Variants in GPCPD1 observed in about 807,000 individuals in gnomAD.
The protein encoded by GPCPD1 is glycerophosphocholine phosphodiesterase 1.
In GPCPD1, 29 loss-of-function variants were observed where a neutral mutation model predicts 89.2. The ratio of observed to expected loss-of-function variants is 0.33; its 90% confidence interval spans 0.24 to 0.44. The LOEUF is 0.44. Among genes scored for constraint, GPCPD1 ranks in the 20% least tolerant of loss-of-function variants. The pLI, the probability that GPCPD1 is intolerant of heterozygous loss-of-function variation, is 1.00. For synonymous variants in GPCPD1, 258 were observed against 266.3 expected (o/e 0.97, Z 0.30); for missense variants, 594 against 808.9 (o/e 0.73, Z 3.22).
chr20:5,562,561 C>T (rs1401152640), intron 15 of GPCPD1, among the ~76,000 whole-genome samples: 10 of 152,158 alleles, frequency 6.6e-5, no homozygotes, highest in Admixed American at 5.9e-4. Context: ...GGATTACAGG[C>T]GTGAGCCACT....
chr20:5,601,614 C>G (rs147001855), intron 2 of GPCPD1, among the ~76,000 whole-genome samples: 395 of 152,110 alleles, frequency 2.6e-3, no homozygotes, highest in African/African-American at 9.2e-3. Context: ...GATGATCCAC[C>G]CACCTCGGCC....
In GPCPD1 at chr20:5,556,527, C is replaced by T. The variant is rs79372760; in HGVS notation, c.1829+1418G>A. Among the ~76,000 whole-genome samples the T allele has an allele frequency of 8.7e-3, 1,317 of 152,170 alleles. 15 individuals are homozygous for T. The highest frequency in any genetic ancestry group is 0.014 in the South Asian group (66 of 4,808). On this transcript the variant is annotated intron_variant, in intron 19 of 19. Transcript: ENST00000379019. ...CCTAAACATAACATTTATATGCACT[C>T]GGAACCAAAAGATTTAGGACTTGCT...
intron 14 of GPCPD1, 146 bp from the exon 15 acceptor site, chr20:5,565,224 T>TC (rs1330083919): frequency 1.1e-5 from 6 of 550,636 alleles, no homozygotes; most frequent in Non-Finnish European, 1.9e-5. Context: ...AACTCTGAGA[T>TC]CCCTTTTTTT....
intron 4 of GPCPD1, among the ~76,000 whole-genome samples, chr20:5,588,039 T>A (rs1979052173): frequency 2.0e-5 from 3 of 152,240 alleles, no homozygotes; most frequent in Non-Finnish European, 1.5e-5. Flanking sequence ...GTAGACTGGG[T>A]AGATTTTTTA....
intron 3 of GPCPD1, among the ~76,000 whole-genome samples, chr20:5,595,094 G>A (rs977778112): frequency 6.6e-6 from 1 of 152,122 alleles, no homozygotes; most frequent in African/African-American, 2.4e-5. Flanking sequence ...CATCAACATT[G>A]AGACAAAACT....
chr20:5,565,283 G>A (rs567723097), intron 14 of GPCPD1, among the ~76,000 whole-genome samples: 2 of 151,520 alleles, frequency 1.3e-5, no homozygotes, highest in South Asian at 2.1e-4. Context: ...CTGGAACACA[G>A]TGGAATGATC....
chr20:5,606,716 T>C (rs977282353), intron 1 of GPCPD1, among the ~76,000 whole-genome samples: 17 of 152,212 alleles, frequency 1.1e-4, no homozygotes, highest in African/African-American at 3.6e-4. Flanking sequence ...AAATGATTAA[T>C]TGTCCAGCTC....
intron 2 of GPCPD1, 47 bp downstream of exon 2, chr20:5,604,316 AC>A (rs761105784): frequency 1.7e-5 from 16 of 943,466 alleles, no homozygotes; most frequent in Non-Finnish European, 2.4e-5. Context: ...CAGATAAGAA[AC>A]ATGCTAATTT....
chr20:5,560,102 A>G, intron 16 of GPCPD1, 26 bp from the exon 17 acceptor site: 2 of 1,495,112 alleles, frequency 1.3e-6, no homozygotes, highest in Non-Finnish European at 1.8e-6. Context: ...GCAAAATAAA[A>G]GTCACTGCAC....
chr20:5,576,602 TGA>T (rs771256925), intron 8 of GPCPD1, among the ~76,000 whole-genome samples: 9 of 152,200 alleles, frequency 5.9e-5, no homozygotes, highest in African/African-American at 9.6e-5. Flanking sequence ...TATATTTTTT[TGA>T]GAGAGTCTCA....
intron 4 of GPCPD1, among the ~76,000 whole-genome samples, chr20:5,589,286 C>A (rs914483708): frequency 6.6e-6 from 1 of 152,074 alleles, no homozygotes; most frequent in African/African-American, 2.4e-5. Context: ...CTTTAGAAGG[C>A]AATCTTAAAT....
intron 1 of GPCPD1, among the ~76,000 whole-genome samples, chr20:5,609,399 A>G (rs1018940363): frequency 7.9e-5 from 12 of 152,242 alleles, no homozygotes; most frequent in African/African-American, 2.9e-4. Flanking sequence ...TCTTAATCAA[A>G]TATGTTAAGA....
rs779431823 is a variant in GPCPD1 at position 5,546,192 on chromosome 20, T to C, written c.*1469A>G. On this transcript the variant is annotated 3_prime_UTR_variant, in exon 20 of 20. Transcript: ENST00000379019. Reference sequence around the variant, plus strand: ...TATCAACGTTACAAACGCAATACCATAGGATTTCAGAGCCTATCTTCACAC... The same window carrying C: ...TATCAACGTTACAAACGCAATACCACAGGATTTCAGAGCCTATCTTCACAC... 6.6e-6 allele frequency: 1 copy of C among 152,186 alleles called. No homozygotes were observed. The highest frequency in any genetic ancestry group is 1.5e-5 in the Non-Finnish European group (1 of 68,034). The allele number at this position is 152,186 out of a possible 1,614,324, so 9.4% of individuals were successfully genotyped here. A position where few individuals can be genotyped will look rare whatever the true frequency, so the allele number is the denominator to read the frequency against.
At chr20:5,550,314 G>GA (rs569097159) in intron 19 of GPCPD1, among the ~76,000 whole-genome samples, 20 of 138,760 alleles carry the variant, frequency 1.4e-4, no homozygotes, top group East Asian at 4.2e-4. Context: ...AAAATAGGAG[G>GA]AAAAAAAAAT....
chr20:5,580,598 C>T (rs1346270321), intron 6 of GPCPD1, among the ~76,000 whole-genome samples: 4 of 151,412 alleles, frequency 2.6e-5, no homozygotes, highest in Admixed American at 2.6e-4. Context: ...TGGTGGCGGG[C>T]GCCTGTAGTC....
chr20:5,566,187 G>A (rs1360786290), intron 14 of GPCPD1, among the ~76,000 whole-genome samples: 1 of 152,082 alleles, frequency 6.6e-6, no homozygotes, highest in Non-Finnish European at 1.5e-5. Context: ...AGCACCATCA[G>A]TCTCTGGGAA....
intron 19 of GPCPD1, among the ~76,000 whole-genome samples, chr20:5,553,421 A>C (rs1315785723): frequency 6.6e-6 from 1 of 152,108 alleles, no homozygotes; most frequent in East Asian, 1.9e-4. Context: ...AGGCCAATTA[A>C]CCTTACAATG....
At chr20:5,570,412 C>A (rs1488175453) in intron 11 of GPCPD1, among the ~76,000 whole-genome samples, 173 bp from the exon 12 acceptor site, 2 of 125,248 alleles carry the variant, frequency 1.6e-5, no homozygotes, top group Admixed American at 8.9e-5. Context: ...AAAAGCACAG[C>A]TACTTTTTCC....
chr20:5,571,015 C>T (rs183751710), intron 11 of GPCPD1, among the ~76,000 whole-genome samples: 80 of 152,214 alleles, frequency 5.3e-4, no homozygotes, highest in Non-Finnish European at 6.5e-4. Flanking sequence ...AAATATGTAC[C>T]TTTTCTGAAA....
Sources: allele counts gnomAD v4.1 joint callset (sites outside exome capture counted in the v4.1 genomes callset), GRCh38; gene constraint gnomAD v4.1.1; transcripts MANE v1.5; gene names NCBI Gene and HGNC (gene_info 2026-07-23, HGNC 2026-07-21).